Variants in EVC observed in about 807,000 individuals in gnomAD.
EVC encodes the protein evC complex member EVC.
EVC carries 116 observed loss-of-function variants against 118.9 expected under a neutral mutation model. The ratio of observed to expected loss-of-function variants is 0.98; its 90% CI spans 0.84 to 1.14. The LOEUF (loss-of-function observed/expected upper bound fraction) is 1.14. Among genes scored for constraint, EVC ranks in the 50% most tolerant of loss-of-function variants. EVC has a pLI of 0.00. For synonymous variants in EVC, 619 were observed against 534.7 expected (o/e 1.16, Z -2.18); for missense variants, 1,401 against 1,246.4 (o/e 1.12, Z -1.87).
downstream of EVC, among the ~76,000 whole-genome samples, chr4:5,814,630 T>C (rs1397271299): frequency 6.6e-6 from 1 of 152,146 alleles, no homozygotes; most frequent in Non-Finnish European, 1.5e-5. Flanking sequence ...AGCCCACCCC[T>C]GCGGCCTAGC....
chr4:5,729,940 G>T (rs922006339), intron 3 of EVC, among the ~76,000 whole-genome samples: 2 of 152,194 alleles, frequency 1.3e-5, no homozygotes, highest in African/African-American at 4.8e-5. Flanking sequence ...CCTGGCTATG[G>T]TTACACCTTC....
intron 5 of EVC, among the ~76,000 whole-genome samples, chr4:5,740,561 A>G (rs1032092809): frequency 1.3e-5 from 2 of 152,156 alleles, no homozygotes; most frequent in Admixed American, 6.5e-5. Context: ...TGACACCAAA[A>G]GCATGACACA....
intron 17 of EVC, 69 bp from the exon 18 acceptor site, chr4:5,808,132 T>TGCCGGGCCGG: frequency 2.2e-6 from 1 of 464,752 alleles, no homozygotes; most frequent in Non-Finnish European, 4.1e-6. Flanking sequence ...GCCTTCCTTC[T>TGCCGGGCCGG]CCCTCCCTCC....
chr4:5,777,790 G>A (rs1162547346), intron 11 of EVC, among the ~76,000 whole-genome samples: 1 of 152,060 alleles, frequency 6.6e-6, no homozygotes, highest in African/African-American at 2.4e-5. Context: ...GAGCTTAAGA[G>A]TGTGGCATTC....
intron 16 of EVC, among the ~76,000 whole-genome samples, chr4:5,803,072 G>A (rs1372783257): frequency 6.6e-6 from 1 of 152,214 alleles, no homozygotes; most frequent in Non-Finnish European, 1.5e-5. Flanking sequence ...ATGGGCTCTT[G>A]TAAAAGGCCA....
chr4:5,824,400 C>T, the EVC span: 1 of 985,312 alleles, frequency 1.0e-6, no homozygotes, highest in Middle Eastern at 5.2e-4. Context: ...TTGATTCATG[C>T]CTCCTCGGCA....
At chr4:5,750,052 C>CT (rs896697760) in intron 8 of EVC, among the ~76,000 whole-genome samples, 10 of 152,032 alleles carry the variant, frequency 6.6e-5, no homozygotes, top group Non-Finnish European at 1.2e-4. Flanking sequence ...CACACATGGC[C>CT]TTTTTTTTCT....
chr4:5,767,588 G>T (rs1337998727), intron 11 of EVC, among the ~76,000 whole-genome samples: 1 of 151,402 alleles, frequency 6.6e-6, no homozygotes, highest in Non-Finnish European at 1.5e-5. Flanking sequence ...CCACGTGTGG[G>T]ATATAATCTC....
intron 11 of EVC, among the ~76,000 whole-genome samples, chr4:5,763,384 G>A (rs76453859): frequency 0.27 from 39,263 of 144,302 alleles, 5,216 homozygotes; most frequent in Admixed American, 0.4. Context: ...GGCGATGTGG[G>A]CTCTTTTCTG....
chr4:5,762,030 C>A (rs1270041891), intron 11 of EVC, among the ~76,000 whole-genome samples: 2 of 146,242 alleles, frequency 1.4e-5, no homozygotes, highest in Admixed American at 6.8e-5. Context: ...TTAGGTATAT[C>A]TCCCAGTGCT....
intron 11 of EVC, among the ~76,000 whole-genome samples, chr4:5,772,799 C>A (rs760850396): frequency 6.6e-6 from 1 of 152,262 alleles, no homozygotes; most frequent in East Asian, 1.9e-4. Flanking sequence ...TCTCTCAGTT[C>A]CCCCAAGGGT....
intron 11 of EVC, among the ~76,000 whole-genome samples, chr4:5,773,317 G>A (rs1052703049): frequency 2.6e-5 from 4 of 152,126 alleles, no homozygotes; most frequent in Non-Finnish European, 4.4e-5. Flanking sequence ...AGCTTGGCCA[G>A]CAGTTAGCTG....
intron 13 of EVC, among the ~76,000 whole-genome samples, chr4:5,794,168 C>T (rs1713319483): frequency 6.7e-6 from 1 of 148,878 alleles, no homozygotes; most frequent in South Asian, 2.1e-4. Flanking sequence ...ACAATTAGTG[C>T]AATATGGTCT....
intron 2 of EVC, among the ~76,000 whole-genome samples, chr4:5,725,131 G>A (rs774537100): frequency 6.6e-6 from 1 of 152,160 alleles, no homozygotes; most frequent in Non-Finnish European, 1.5e-5. Flanking sequence ...TATCAGTGAT[G>A]GGCTTTTGGG....
chr4:5,824,734 A>G, the EVC span: 3 of 985,298 alleles, frequency 3.0e-6, no homozygotes, highest in South Asian at 1.4e-4. Flanking sequence ...CCTTCTAAGA[A>G]AAAAAATCAC....
At chr4:5,786,674 C>T (rs976452597) in intron 12 of EVC, among the ~76,000 whole-genome samples, 1 of 152,124 alleles carries the variant, frequency 6.6e-6, no homozygotes, top group Non-Finnish European at 1.5e-5. Flanking sequence ...GAGATCGAGA[C>T]CATCCTGGCT....
At chr4:5,815,396 A>G (rs559756163), downstream of EVC, among the ~76,000 whole-genome samples, 122 of 152,306 alleles carry the variant, frequency 8.0e-4, 1 homozygote, top group African/African-American at 2.8e-3. Context: ...GGCATGGGGA[A>G]TTGCAGGAGA....
the EVC span, among the ~76,000 whole-genome samples, chr4:5,822,722 G>C: frequency 1.3e-5 from 2 of 152,186 alleles, no homozygotes; most frequent in African/African-American, 4.8e-5. Flanking sequence ...CGGCGGAACT[G>C]AGGAAAATCA....
At position 5,746,911 on chromosome 4, in the gene EVC, C is replaced by T. The variant is rs971825006; in HGVS notation, c.940-1237C>T. Reference sequence around the variant, plus strand: ...AAGCAGGAGAAAATCATGTCATGGACGCCAAGAGAATCAGGAGTTTGTAAG... The same window carrying T: ...AAGCAGGAGAAAATCATGTCATGGATGCCAAGAGAATCAGGAGTTTGTAAG... On this transcript the variant is annotated intron_variant, in intron 7 of 20. Coordinates refer to ENST00000264956, the MANE Select transcript of EVC (RefSeq NM_153717.3). This position sits in a 1 kb window ranked among gnomAD's most constrained non-coding sequence, Gnocchi z 5.8. 2.6e-5 allele frequency among the ~76,000 whole-genome samples: 4 copies of T among 152,014 alleles called. No homozygotes were observed. Among genetic ancestry groups the T allele is most frequent in the Non-Finnish European group, 5.9e-5 (4 of 68,012 alleles).
Sources: gnomAD v4.1 joint callset for allele counts (sites outside exome capture counted in the v4.1 genomes callset) on GRCh38, gnomAD v4.1.1 for gene constraint, Gnocchi (gnomAD v3.1) non-coding constraint, MANE v1.5 for transcripts, NCBI Gene and HGNC (gene_info 2026-07-23, HGNC 2026-07-21) for gene names.